Variants in RNF157 observed in about 807,000 individuals in gnomAD.
The protein encoded by RNF157 is E3 ubiquitin ligase RNF157.
RNF157 carries 55 observed loss-of-function variants against 88.3 expected under a neutral mutation model. The ratio of observed to expected loss-of-function variants is 0.62; its 90% CI spans 0.50 to 0.78. The LOEUF is 0.78. Among genes scored for constraint, RNF157 ranks in the 30% least tolerant of loss-of-function variants. RNF157 has a pLI of 0.00. For missense variants in RNF157, 788 were observed against 860.8 expected (o/e 0.92, Z 1.06); for synonymous variants, 334 against 341.2 (o/e 0.98, Z 0.23).
At chr17:76,223,578 A>ATGCT (rs2070026787) in intron 1 of RNF157, among the ~76,000 whole-genome samples, 1 of 152,244 alleles carries the variant, frequency 6.6e-6, no homozygotes, top group African/African-American at 2.4e-5. Context: ...TGATGATAAA[A>ATGCT]TGCTTAACCA....
At chr17:76,185,377 A>G (rs2069263335) in intron 2 of RNF157, among the ~76,000 whole-genome samples, 1 of 152,230 alleles carries the variant, frequency 6.6e-6, no homozygotes, top group Admixed American at 6.5e-5. Context: ...AAGTTGAGTT[A>G]AAAGGAGAAA....
chr17:76,145,238 G>C lies in RNF157; in HGVS notation c.2037C>G (p.Val679=), dbSNP rs770136991. Reference sequence around the variant, plus strand: ...GCCCAAGTGCAGAGGCTGGGGCTCAGACAGCCAAAGGGCCCCACACACAGG... The same window carrying C: ...GCCCAAGTGCAGAGGCTGGGGCTCACACAGCCAAAGGGCCCCACACACAGG... ...TRPCVWGPLA[V] Residue 679 remains valine, a synonymous_variant, in exon 19 of 19, where the codon GTC becomes GTG. Coordinates refer to ENST00000269391, the MANE Select transcript of RNF157 (RefSeq NM_052916.3). The C allele has an allele frequency of 2.5e-6, 4 of 1,599,130 alleles. No individual in the cohort carries two copies. The Admixed American group carries it at 6.8e-5, about 27-fold the overall frequency.
At chr17:76,179,288 G>A (rs2069152868) in intron 2 of RNF157, among the ~76,000 whole-genome samples, 1 of 152,044 alleles carries the variant, frequency 6.6e-6, no homozygotes, top group African/African-American at 2.4e-5. Context: ...CAGCTACTCA[G>A]AAGGCTGACG....
intron 3 of RNF157, among the ~76,000 whole-genome samples, chr17:76,171,188 G>A (rs1276906072): frequency 6.8e-6 from 1 of 147,108 alleles, no homozygotes; most frequent in Non-Finnish European, 1.5e-5. Context: ...CACTGCACCG[G>A]GCCTTATTTT....
intron 1 of RNF157, among the ~76,000 whole-genome samples, chr17:76,227,540 C>G (rs1234953312): frequency 1.3e-5 from 2 of 152,038 alleles, no homozygotes; most frequent in African/African-American, 4.8e-5. Flanking sequence ...GAAGAGGAAA[C>G]TAATGCACAG....
intron 3 of RNF157, among the ~76,000 whole-genome samples, chr17:76,173,009 G>A (rs2069042513): frequency 6.6e-6 from 1 of 152,114 alleles, no homozygotes; most frequent in South Asian, 2.1e-4. Flanking sequence ...AAAGAAGGCT[G>A]GGCGCGGTGG....
intron 1 of RNF157, among the ~76,000 whole-genome samples, chr17:76,225,447 T>C (rs948980838): frequency 2.6e-5 from 4 of 152,212 alleles, no homozygotes; most frequent in Admixed American, 2.6e-4. Flanking sequence ...CAATTGGGTG[T>C]GGCCTTCCAG....
At chr17:76,164,340 C>T (rs1374427809) in intron 8 of RNF157, 1 of 154,902 alleles carries the variant, frequency 6.5e-6, no homozygotes, top group East Asian at 1.9e-4. Context: ...TCTAATTACA[C>T]TAAATTGGAC....
intron 1 of RNF157, among the ~76,000 whole-genome samples, chr17:76,234,241 T>C (rs541475323): frequency 1.3e-5 from 2 of 152,390 alleles, no homozygotes; most frequent in South Asian, 4.1e-4. Flanking sequence ...AATAATATTC[T>C]ATTGTGCAGA....
At chr17:76,206,777 AAAAC>A (rs1247718054) in intron 2 of RNF157, among the ~76,000 whole-genome samples, 2 of 152,156 alleles carry the variant, frequency 1.3e-5, no homozygotes, top group Non-Finnish European at 2.9e-5. Flanking sequence ...TTTGTCTCAA[AAAAC>A]AAACAAAGAA....
intron 2 of RNF157, among the ~76,000 whole-genome samples, chr17:76,184,170 G>A (rs1306699518): frequency 3.5e-5 from 5 of 142,756 alleles, no homozygotes; most frequent in South Asian, 2.2e-4. Context: ...CAGCCTGGGC[G>A]ACAGAGCAAG....
chr17:76,212,525 G>T, intron 1 of RNF157, 43 bp from the exon 2 acceptor site: 3 of 1,245,654 alleles, frequency 2.4e-6, no homozygotes, highest in South Asian at 1.2e-5. Flanking sequence ...GCAGAAAACA[G>T]TCAACCTAAA....
intron 3 of RNF157, among the ~76,000 whole-genome samples, chr17:76,169,133 T>C (rs924738145): frequency 1.7e-4 from 26 of 152,208 alleles, no homozygotes; most frequent in Non-Finnish European, 1.2e-4. Context: ...GTAGAACCCG[T>C]TAGTTGGATG....
At chr17:76,159,203 C>T (rs947238520) in intron 12 of RNF157, 132 bp downstream of exon 12, 9 of 749,740 alleles carry the variant, frequency 1.2e-5, no homozygotes, top group African/African-American at 1.8e-5. Flanking sequence ...ATAACCTTCA[C>T]GCAAGCAGCT....
Position 76,195,467 on chromosome 17 carries a change from G to C in RNF157, c.207+16897C>G, listed in dbSNP as rs976643417. ...AATTGGTAGAATCACTTTGAAAAGC[G>C]GTTAGCGGTATCTACTACAGCATAT... is the stretch of plus-strand genomic sequence containing the variant. On this transcript the variant is annotated intron_variant, in intron 2 of 18. Coordinates refer to ENST00000269391, the MANE Select transcript of RNF157 (RefSeq NM_052916.3). This position sits in a 1 kb window ranked among gnomAD's most constrained non-coding sequence, Gnocchi z 4.4. Among the ~76,000 whole-genome samples, 2 of 152,164 alleles carry C rather than the reference G, an allele frequency of 1.3e-5. No individual in the cohort carries two copies. The highest frequency in any genetic ancestry group is 2.9e-5 in the Non-Finnish European group (2 of 68,032).
chr17:76,185,901 C>A (rs2069278964), intron 2 of RNF157, among the ~76,000 whole-genome samples: 1 of 152,096 alleles, frequency 6.6e-6, no homozygotes, highest in South Asian at 2.1e-4. Context: ...TGCCTTGATA[C>A]TGTATGTATG....
chr17:76,236,095 T>C (rs1466944182), intron 1 of RNF157, among the ~76,000 whole-genome samples: 1 of 152,226 alleles, frequency 6.6e-6, no homozygotes, highest in Non-Finnish European at 1.5e-5. Flanking sequence ...GGTGGGCCTC[T>C]AGTCAGTTGA....
chr17:76,184,567 A>C (rs1033071395), intron 2 of RNF157, among the ~76,000 whole-genome samples: 1 of 152,202 alleles, frequency 6.6e-6, no homozygotes, highest in Admixed American at 6.5e-5. Context: ...CCTGAGACAG[A>C]CTGATGTGCC....
chr17:76,192,154 G>A (rs950323669), intron 2 of RNF157, among the ~76,000 whole-genome samples: 6 of 152,148 alleles, frequency 3.9e-5, no homozygotes, highest in Admixed American at 3.9e-4. Flanking sequence ...AAGAAATTTC[G>A]AGGAAATTCC....
Sources: allele counts gnomAD v4.1 joint callset (sites outside exome capture counted in the v4.1 genomes callset), GRCh38; gene constraint gnomAD v4.1.1; non-coding constraint Gnocchi (gnomAD v3.1); transcripts MANE v1.5; gene names NCBI Gene and HGNC (gene_info 2026-07-23, HGNC 2026-07-21).